Variants in RAB3GAP1 observed in about 807,000 individuals in gnomAD.
RAB3GAP1 encodes the protein rab3 GTPase-activating protein catalytic subunit.
In RAB3GAP1, 86 loss-of-function variants were observed where a neutral mutation model predicts 130.7. That is an observed-to-expected ratio of 0.66 (90% CI 0.55 to 0.79). RAB3GAP1 has a LOEUF of 0.79. RAB3GAP1 is among the 30% of genes least tolerant of loss of function. RAB3GAP1 has a pLI of 0.00. For missense variants in RAB3GAP1, 1,029 were observed against 1,169.4 expected (o/e 0.88, Z 1.75); for synonymous variants, 367 against 401.7 (o/e 0.91, Z 1.03).
At chr2:135,067,369 G>T (rs998969352) in intron 3 of RAB3GAP1, among the ~76,000 whole-genome samples, 8 of 152,110 alleles carry the variant, frequency 5.3e-5, no homozygotes, top group African/African-American at 1.9e-4. Flanking sequence ...GATAAGGTTT[G>T]TAGTTTGTTT....
At chr2:135,141,953 T>C (rs890634079) in intron 17 of RAB3GAP1, among the ~76,000 whole-genome samples, 1 of 152,188 alleles carries the variant, frequency 6.6e-6, no homozygotes, top group African/African-American at 2.4e-5. Context: ...TGTAGCTTTA[T>C]AATAAGTCTA....
chr2:135,079,896 G>C (rs936835916), intron 3 of RAB3GAP1, among the ~76,000 whole-genome samples: 1 of 152,126 alleles, frequency 6.6e-6, no homozygotes, highest in African/African-American at 2.4e-5. Context: ...TTGGGAGGCC[G>C]AGGCGGGCGG....
intron 9 of RAB3GAP1, among the ~76,000 whole-genome samples, chr2:135,125,484 G>A (rs549497260): frequency 7.4e-4 from 112 of 152,228 alleles, no homozygotes; most frequent in African/African-American, 2.6e-3. Context: ...ATGTAAATGA[G>A]GCATAGTAAG....
intron 3 of RAB3GAP1, among the ~76,000 whole-genome samples, chr2:135,078,562 T>C (rs1326960573): frequency 6.6e-6 from 1 of 151,928 alleles, no homozygotes; most frequent in African/African-American, 2.4e-5. Context: ...ATCATTTTAT[T>C]TTAATTACTA....
At chr2:135,168,504 A>G (rs1692730608) in intron 23 of RAB3GAP1, 41 bp from the exon 24 acceptor site, 1 of 1,523,816 alleles carries the variant, frequency 6.6e-7, no homozygotes, top group Non-Finnish European at 9.1e-7. Context: ...TGAGTTTAGC[A>G]TTTGACCTGC....
At chr2:135,099,907 T>C (rs1690404950) in intron 5 of RAB3GAP1, among the ~76,000 whole-genome samples, 2 of 152,148 alleles carry the variant, frequency 1.3e-5, no homozygotes, top group African/African-American at 2.4e-5. Flanking sequence ...GTTTAGGTTA[T>C]ATAGCAGAGA....
chr2:135,060,159 T>G (rs551058029), intron 3 of RAB3GAP1, among the ~76,000 whole-genome samples: 4 of 152,130 alleles, frequency 2.6e-5, no homozygotes, highest in Non-Finnish European at 4.4e-5. Flanking sequence ...GTTTGAGTGG[T>G]ACCTCTGTTT....
At chr2:135,067,183 T>A (rs1390831349) in intron 3 of RAB3GAP1, among the ~76,000 whole-genome samples, 2 of 152,212 alleles carry the variant, frequency 1.3e-5, no homozygotes, top group African/African-American at 4.8e-5. Context: ...AACATTTAGT[T>A]TTTTTATGGA....
At chr2:135,062,016 A>C (rs1689185591) in intron 3 of RAB3GAP1, among the ~76,000 whole-genome samples, 1 of 151,782 alleles carries the variant, frequency 6.6e-6, no homozygotes, top group Non-Finnish European at 1.5e-5. Flanking sequence ...CCTTATGTCA[A>C]TACCATATTG....
At chr2:135,132,405 A>G (rs1410194667) in intron 13 of RAB3GAP1, among the ~76,000 whole-genome samples, 2 of 152,184 alleles carry the variant, frequency 1.3e-5, no homozygotes, top group Non-Finnish European at 2.9e-5. Context: ...ACTGCTTCCT[A>G]CTTTCCAGGG....
At chr2:135,136,941 A>G in intron 17 of RAB3GAP1, 1 of 232,094 alleles carries the variant, frequency 4.3e-6, no homozygotes, top group Non-Finnish European at 8.7e-6. Flanking sequence ...TTTAAAAATT[A>G]GCTGAGTATT....
chr2:135,166,524 T>C (rs893687900), intron 23 of RAB3GAP1, among the ~76,000 whole-genome samples: 5 of 152,058 alleles, frequency 3.3e-5, no homozygotes, highest in Admixed American at 3.3e-4. Flanking sequence ...AATTTTTATA[T>C]TTTTTGTAGG....
At chr2:135,139,131 A>T (rs1474271127) in intron 17 of RAB3GAP1, among the ~76,000 whole-genome samples, 1 of 152,122 alleles carries the variant, frequency 6.6e-6, no homozygotes, top group Non-Finnish European at 1.5e-5. Context: ...TGAATTCTTC[A>T]TATTTTAGAT....
intron 17 of RAB3GAP1, among the ~76,000 whole-genome samples, chr2:135,144,113 G>C (rs1691927915): frequency 6.6e-6 from 1 of 152,180 alleles, no homozygotes; most frequent in South Asian, 2.1e-4. Context: ...CTCTCAGCTG[G>C]GCTGAGCATG....
At chr2:135,170,719 G>GCTAC (rs1415482278), downstream of RAB3GAP1, 2 of 152,124 alleles carry the variant, frequency 1.3e-5, no homozygotes, top group Non-Finnish European at 2.9e-5. Context: ...AAGTGTTGTA[G>GCTAC]GAGTTTCTTC....
At chr2:135,092,932 A>G (rs756437953) in intron 4 of RAB3GAP1, among the ~76,000 whole-genome samples, 1 of 152,220 alleles carries the variant, frequency 6.6e-6, no homozygotes, top group Non-Finnish European at 1.5e-5. Flanking sequence ...CTAATCATTT[A>G]TGTTATCAGC....
At chr2:135,072,509 A>G (rs1221451239) in intron 3 of RAB3GAP1, among the ~76,000 whole-genome samples, 2 of 152,218 alleles carry the variant, frequency 1.3e-5, no homozygotes, top group Non-Finnish European at 2.9e-5. Context: ...AAGTGTTTGA[A>G]TTTAGTTAGA....
At chr2:135,066,798 T>C (rs1319553344) in intron 3 of RAB3GAP1, among the ~76,000 whole-genome samples, 1 of 152,192 alleles carries the variant, frequency 6.6e-6, no homozygotes, top group African/African-American at 2.4e-5. Flanking sequence ...TGATTCTATT[T>C]AGCTAGCAAA....
At chr2:135,128,597 G>T (rs1450518619) in intron 11 of RAB3GAP1, among the ~76,000 whole-genome samples, 1 of 152,060 alleles carries the variant, frequency 6.6e-6, no homozygotes, top group Non-Finnish European at 1.5e-5. Flanking sequence ...CCTTAGAATT[G>T]AAAGTATTCT....
Sources: allele counts gnomAD v4.1 joint callset (sites outside exome capture counted in the v4.1 genomes callset), GRCh38; gene constraint gnomAD v4.1.1; transcripts MANE v1.5; gene names NCBI Gene and HGNC (gene_info 2026-07-23, HGNC 2026-07-21).